AKAP13: variants seen among roughly 807,000 people sequenced by gnomAD.
The protein encoded by AKAP13 is A-kinase anchor protein 13.
Under a neutral mutation model 264.5 loss-of-function variants are expected in AKAP13, and 80 were observed. That is an observed-to-expected ratio of 0.30 (90% confidence interval 0.25 to 0.36). AKAP13 has a LOEUF of 0.36. Ranked by LOEUF, AKAP13 falls within the 10% of genes least tolerant of loss-of-function variation. The pLI is 1.00. For synonymous variants in AKAP13, 1,380 were observed against 1,250.2 expected, an observed-to-expected ratio of 1.10 and a Z score of -2.19; for missense variants, 3,712 against 3,435.2, an observed-to-expected ratio of 1.08 and a Z score of -2.01.
intron 17 of AKAP13, among the ~76,000 whole-genome samples, chr15:85,697,494 G>A (rs955969085): frequency 5.9e-5 from 9 of 152,144 alleles, no homozygotes; most frequent in African/African-American, 1.9e-4. Context: ...TCTTGAACCC[G>A]GGAGGCGGAG....
At chr15:85,711,325 CT>C (rs1246355100) in intron 19 of AKAP13, among the ~76,000 whole-genome samples, 8 of 152,162 alleles carry the variant, frequency 5.3e-5, no homozygotes, top group African/African-American at 1.9e-4. Context: ...GAAGACTCCA[CT>C]TTGGTTTTAC....
chr15:85,561,007 G>A (rs2078351031), intron 5 of AKAP13, among the ~76,000 whole-genome samples: 1 of 149,822 alleles, frequency 6.7e-6, no homozygotes, highest in Non-Finnish European at 1.5e-5. Context: ...ACCACCTCTA[G>A]AGATTTTGAT....
intron 5 of AKAP13, among the ~76,000 whole-genome samples, chr15:85,547,182 C>T (rs1468724478): frequency 1.3e-5 from 2 of 152,202 alleles, no homozygotes; most frequent in Non-Finnish European, 2.9e-5. Context: ...GTATATTTTA[C>T]ATTTATTGAA....
intron 8 of AKAP13, among the ~76,000 whole-genome samples, chr15:85,636,170 G>C (rs2082063293): frequency 1.3e-5 from 2 of 151,946 alleles, no homozygotes; most frequent in South Asian, 4.2e-4. Context: ...TATTTATTGA[G>C]GCTTTTGTAA....
intron 6 of AKAP13, 86 bp downstream of exon 6, chr15:85,575,415 C>T (rs2078970882): frequency 1.5e-6 from 2 of 1,323,836 alleles, no homozygotes; most frequent in African/African-American, 2.9e-5. Context: ...CTCCAATGAA[C>T]CTTGATATAA....
At chr15:85,706,480 G>C (rs2086267991) in intron 17 of AKAP13, among the ~76,000 whole-genome samples, 1 of 152,162 alleles carries the variant, frequency 6.6e-6, no homozygotes, top group South Asian at 2.1e-4. Context: ...TAATTTTATA[G>C]ATGAGGAAAC....
At chr15:85,479,067 A>G (rs188269369) in intron 1 of AKAP13, among the ~76,000 whole-genome samples, 108 of 152,356 alleles carry the variant, frequency 7.1e-4, no homozygotes, top group Admixed American at 3.0e-3. Context: ...GGGTCTTGTA[A>G]GACTTCCTCA....
intron 8 of AKAP13, among the ~76,000 whole-genome samples, chr15:85,614,581 A>C (rs969842860): frequency 6.6e-6 from 1 of 152,208 alleles, no homozygotes; most frequent in Non-Finnish European, 1.5e-5. Flanking sequence ...ATGTAAAATC[A>C]AATGTAGGGA....
intron 1 of AKAP13, among the ~76,000 whole-genome samples, chr15:85,381,388 A>C (rs1243370131): frequency 6.6e-6 from 1 of 150,674 alleles, no homozygotes; most frequent in Admixed American, 6.6e-5. Context: ...CGCGGGTCGC[A>C]GGCGAGCGGC....
intron 5 of AKAP13, among the ~76,000 whole-genome samples, chr15:85,563,508 A>G (rs182899129): frequency 2.2e-4 from 34 of 152,096 alleles, no homozygotes; most frequent in African/African-American, 7.5e-4. Context: ...CTTGGAAGGA[A>G]CATTCCTTTG....
intron 26 of AKAP13, 125 bp downstream of exon 26, chr15:85,723,445 G>C (rs1435522760): frequency 7.5e-7 from 1 of 1,334,252 alleles, no homozygotes; most frequent in African/African-American, 1.5e-5. Context: ...CACTACCCAG[G>C]AGCAACAAGC....
At chr15:85,615,289 G>A (rs1215513873) in intron 8 of AKAP13, among the ~76,000 whole-genome samples, 1 of 152,136 alleles carries the variant, frequency 6.6e-6, no homozygotes, top group East Asian at 1.9e-4. Flanking sequence ...AAGAAATGGT[G>A]GTTATAGCCT....
At chr15:85,477,747 T>C (rs2075220373) in intron 1 of AKAP13, among the ~76,000 whole-genome samples, 1 of 151,900 alleles carries the variant, frequency 6.6e-6, no homozygotes, top group African/African-American at 2.4e-5. Flanking sequence ...TTCCCTTGTA[T>C]AATGGCTGAG....
At chr15:85,550,785 C>T (rs933252441) in intron 5 of AKAP13, among the ~76,000 whole-genome samples, 1 of 152,198 alleles carries the variant, frequency 6.6e-6, no homozygotes, top group East Asian at 1.9e-4. Flanking sequence ...ATCAGTCTGT[C>T]CATCCCTTTG....
chr15:85,526,035 A>G (rs2077028847), intron 3 of AKAP13, among the ~76,000 whole-genome samples: 1 of 152,246 alleles, frequency 6.6e-6, no homozygotes, highest in Admixed American at 6.5e-5. Context: ...TGTTTGAAGA[A>G]CTACAAACCT....
intron 1 of AKAP13, among the ~76,000 whole-genome samples, chr15:85,447,365 C>CT (rs34926840): frequency 9.3e-5 from 14 of 150,526 alleles, no homozygotes; most frequent in South Asian, 2.1e-4. Flanking sequence ...TTTTTAACTC[C>CT]TTTTTTAAAA....
chr15:85,440,629 C>G (rs1224720285), intron 1 of AKAP13, among the ~76,000 whole-genome samples: 1 of 152,118 alleles, frequency 6.6e-6, no homozygotes, highest in Non-Finnish European at 1.5e-5. Flanking sequence ...CATTCAGGTA[C>G]CTAAAAGGGA....
At chr15:85,433,811 C>T (rs1392837246) in intron 1 of AKAP13, among the ~76,000 whole-genome samples, 2 of 151,708 alleles carry the variant, frequency 1.3e-5, no homozygotes, top group East Asian at 1.9e-4. Flanking sequence ...CATGGTGGCG[C>T]GTGCCTGTAA....
chr15:85,414,605 G>C (rs1482894550), intron 1 of AKAP13, among the ~76,000 whole-genome samples: 5 of 152,136 alleles, frequency 3.3e-5, no homozygotes, highest in Non-Finnish European at 7.4e-5. Context: ...AATTTGAAAA[G>C]GGTGAGGGAG....
Sources: allele counts gnomAD v4.1 joint callset (sites outside exome capture counted in the v4.1 genomes callset), GRCh38; gene constraint gnomAD v4.1.1; transcripts MANE v1.5; gene names NCBI Gene and HGNC (gene_info 2026-07-23, HGNC 2026-07-21).